Variants in IFNAR1 observed in about 807,000 individuals in gnomAD.
IFNAR1 encodes the protein interferon alpha/beta receptor 1.
A neutral mutation model predicts 62.1 loss-of-function variants in IFNAR1; 47 were observed. That is an observed-to-expected ratio of 0.76 (90% CI 0.60 to 0.97). The LOEUF (loss-of-function observed/expected upper bound fraction) is 0.97. Among genes scored for constraint, IFNAR1 ranks in the 50% least tolerant of loss-of-function variants. The pLI, the probability that IFNAR1 is intolerant of heterozygous loss-of-function variation, is 0.00. For missense variants in IFNAR1, 638 were observed against 654.5 expected, an observed-to-expected ratio of 0.97 and a Z score of 0.27; for synonymous variants, 219 against 226.9, an observed-to-expected ratio of 0.97 and a Z score of 0.31.
intron 1 of IFNAR1, among the ~76,000 whole-genome samples, chr21:33,333,925 T>C (rs2083207481): frequency 6.6e-6 from 1 of 152,122 alleles, no homozygotes; most frequent in Non-Finnish European, 1.5e-5. Context: ...ATATGCTTTC[T>C]ATAAGAAACC....
chr21:33,350,694 T>C (rs1241905885), intron 8 of IFNAR1, among the ~76,000 whole-genome samples: 1 of 152,240 alleles, frequency 6.6e-6, no homozygotes, highest in African/African-American at 2.4e-5. Context: ...TTCTTTAACT[T>C]CACCTCATTT....
rs1384352120 is a variant in IFNAR1, at chr21:33,357,384, A to G, written c.*1835A>G. 6.6e-6 allele frequency: 1 copy of G among 152,202 alleles called. No homozygotes were observed. The highest frequency in any genetic ancestry group is 1.5e-5 in the Non-Finnish European group (1 of 68,078). The allele number at this position is 152,202 out of a possible 1,614,324, so 9.4% of individuals were successfully genotyped here. A position where few individuals can be genotyped will look rare whatever the true frequency, so the allele number is the denominator to read the frequency against. On this transcript the variant is annotated 3_prime_UTR_variant, in exon 11 of 11. Coordinates refer to ENST00000270139, the MANE Select transcript of IFNAR1 (RefSeq NM_000629.3). ...CACGTGTCTGCAGGCCACACCGTGCATGTCCCCAGACCTGCCGCCTGGCTT... is the reference window on the plus strand; with the variant it reads ...CACGTGTCTGCAGGCCACACCGTGCGTGTCCCCAGACCTGCCGCCTGGCTT...
At chr21:33,355,198 T>C in intron 10 of IFNAR1, 118 bp from the exon 11 acceptor site, 2 of 594,986 alleles carry the variant, frequency 3.4e-6, no homozygotes, top group Non-Finnish European at 2.9e-6. Context: ...TTAATATGCA[T>C]GCCAGAAGAT....
chr21:33,328,578 A>G (rs1185681473), intron 1 of IFNAR1, among the ~76,000 whole-genome samples: 1 of 152,230 alleles, frequency 6.6e-6, no homozygotes, highest in Non-Finnish European at 1.5e-5. Context: ...TGATCCTGAA[A>G]GTTATCTCAG....
rs2083376221 is a variant in IFNAR1, at chr21:33,349,120, A to G, written c.818A>G (p.His273Arg). The G allele has an allele frequency of 1.2e-6, 2 of 1,605,892 alleles. No individual in the cohort carries two copies. The highest frequency in any genetic ancestry group is 1.7e-5 in the Admixed American group (1 of 59,052). Residue 273 changes from histidine (H) to arginine (R), a missense_variant, in exon 7 of 11, where the codon CAT becomes CGT. Physicochemically the swap from His to Arg is conservative, Grantham distance 29. Coordinates refer to ENST00000270139, the MANE Select transcript of IFNAR1 (RefSeq NM_000629.3). ...TTTTTAAAAAGGAATCCTGGAAACC[A>G]TTTGTATAAATGGAAACAAATACCT... ...HAFLKRNPGN[H>R]LYKWKQIPDC...
intron 2 of IFNAR1, among the ~76,000 whole-genome samples, chr21:33,336,508 C>T (rs2083237128): frequency 6.6e-6 from 1 of 150,664 alleles, no homozygotes; most frequent in African/African-American, 2.4e-5. Flanking sequence ...CACTGACTTC[C>T]ACAATGGTTG....
intron 1 of IFNAR1, among the ~76,000 whole-genome samples, chr21:33,330,865 C>T (rs900938374): frequency 1.3e-5 from 2 of 152,182 alleles, no homozygotes; most frequent in Admixed American, 1.3e-4. Flanking sequence ...GATCTCACCA[C>T]TGGGGTTCCT....
At chr21:33,344,294 C>CT (rs1194664011) in intron 5 of IFNAR1, among the ~76,000 whole-genome samples, 2 of 152,142 alleles carry the variant, frequency 1.3e-5, no homozygotes, top group African/African-American at 4.8e-5. Flanking sequence ...TGCTAGTAGA[C>CT]AAGTTATTGT....
In IFNAR1 at chr21:33,356,010, TTAAAAAA is replaced by T. The variant is rs2083444010; in HGVS notation, c.*462_*468del. On this transcript the variant is annotated 3_prime_UTR_variant, in exon 11 of 11. Transcript: ENST00000270139. ...CAGCCTGGTGACAGCGTGAGACTCT[TTAAAAAA>T]AGAAATTAAAAGAGTTGAGACAAAC... 6.6e-6 allele frequency: 1 copy of T among 152,158 alleles called. No individual in the cohort carries two copies. Among genetic ancestry groups the T allele is most frequent in the African/African-American group, 2.4e-5 (1 of 41,418 alleles). 9.4% of individuals were successfully genotyped at this position (152,158 alleles called of 1,614,324 possible). A position where few individuals can be genotyped will look rare whatever the true frequency, so the allele number is the denominator to read the frequency against.
Position 33,356,050 on chromosome 21 carries a change from A to G in IFNAR1, c.*501A>G, listed in dbSNP as rs1024862753. Reference sequence around the variant, plus strand: ...AAAAGAGTTGAGACAAACGTTTCCTACATTCTTTTCCATGTGTAAAATCAT... The same window carrying G: ...AAAAGAGTTGAGACAAACGTTTCCTGCATTCTTTTCCATGTGTAAAATCAT... On this transcript the variant is annotated 3_prime_UTR_variant, in exon 11 of 11. Coordinates refer to ENST00000270139, the MANE Select transcript of IFNAR1 (RefSeq NM_000629.3). The G allele has an allele frequency of 6.6e-6, 1 of 152,198 alleles. No individual in the cohort carries two copies. The highest frequency in any genetic ancestry group is 2.4e-5 in the African/African-American group (1 of 41,440). 9.4% of individuals were successfully genotyped at this position (152,198 alleles called of 1,614,324 possible). A position where few individuals can be genotyped will look rare whatever the true frequency, so the allele number is the denominator to read the frequency against.
At chr21:33,351,463 T>G (rs2123267108) in intron 8 of IFNAR1, among the ~76,000 whole-genome samples, 1 of 152,300 alleles carries the variant, frequency 6.6e-6, no homozygotes, top group African/African-American at 2.4e-5. Flanking sequence ...GTCTGTAGAC[T>G]TGTGAGTGAG....
chr21:33,340,899 TAA>T (rs2083285975), intron 2 of IFNAR1, 98 bp from the exon 3 acceptor site: 2 of 734,496 alleles, frequency 2.7e-6, no homozygotes, highest in Non-Finnish European at 4.5e-6. Context: ...CAAGAGTTAT[TAA>T]GAGTTAAGAA....
Position 33,357,174 on chromosome 21 carries a change from C to A in IFNAR1, c.*1625C>A, listed in dbSNP as rs1461746063. 6.6e-6 allele frequency: 1 copy of A among 152,206 alleles called. No individual in the cohort carries two copies. Among genetic ancestry groups the A allele is most frequent in the East Asian group, 1.9e-4 (1 of 5,202 alleles). 9.4% of individuals were successfully genotyped at this position (152,206 alleles called of 1,614,324 possible). ...AGGGCAGTGTTCTCACAGCACCGTT[C>A]CGACAGGGACCAGTGAAAGAAAAGA... On this transcript the variant is annotated 3_prime_UTR_variant, in exon 11 of 11. Coordinates refer to ENST00000270139, the MANE Select transcript of IFNAR1 (RefSeq NM_000629.3).
intron 9 of IFNAR1, 137 bp downstream of exon 9, chr21:33,353,045 A>G: frequency 1.9e-6 from 1 of 540,208 alleles, no homozygotes; most frequent in Non-Finnish European, 3.0e-6. Flanking sequence ...TTCATGAACT[A>G]CATGAATCAA....
chr21:33,343,473 G>A (rs376037565), intron 4 of IFNAR1, 51 bp downstream of exon 4: 24 of 1,562,030 alleles, frequency 1.5e-5, no homozygotes, highest in Non-Finnish European at 1.8e-5. Flanking sequence ...AAAATTAGGC[G>A]AATTAATCCT....
rs2243594 is a variant in IFNAR1 at position 33,335,755 on chromosome 21, A to G, written c.200+108A>G. 0.4 allele frequency: 376,719 copies of G among 940,434 alleles called. 76,964 individuals are homozygous for G. The highest frequency in any genetic ancestry group is 0.44 in the Middle Eastern group (1,564 of 3,522). The allele number at this position is 940,434 out of a possible 1,614,324, so 58.3% of individuals were successfully genotyped here. A position where few individuals can be genotyped will look rare whatever the true frequency, so the allele number is the denominator to read the frequency against. The stretch of plus-strand genomic sequence containing the variant: ...AAAGTGTTTGGTTTTTCTATTTTTT[A>G]GAAATGTTACGCCTATTTTACATAA... On this transcript the variant is annotated intron_variant, in intron 2 of 10. Transcript: ENST00000270139.
At chr21:33,354,547 C>T (rs1020424806) in intron 10 of IFNAR1, among the ~76,000 whole-genome samples, 1 of 150,984 alleles carries the variant, frequency 6.6e-6, no homozygotes, top group Non-Finnish European at 1.5e-5. Flanking sequence ...TAACTAAAAA[C>T]ATGAGACTTT....
At chr21:33,333,367 A>G (rs1336324755) in intron 1 of IFNAR1, among the ~76,000 whole-genome samples, 1 of 152,232 alleles carries the variant, frequency 6.6e-6, no homozygotes, top group Non-Finnish European at 1.5e-5. Context: ...AAAAGAGAGC[A>G]GTCAGTATCT....
Position 33,343,277 on chromosome 21 carries a change from G to T in IFNAR1, c.386G>T (p.Gly129Val). The T allele has an allele frequency of 6.2e-7, 1 of 1,611,632 alleles. No individual in the cohort carries two copies. Residue 129 changes from glycine to valine, a missense_variant, in exon 4 of 11, where the codon GGT becomes GTT. Physicochemically the swap from Gly to Val is moderately radical, Grantham distance 109 (BLOSUM62 -3). Transcript: ENST00000270139. Reference sequence around the variant, plus strand: ...TTTGATTTTTTTGCAGCTCAGATTGGTCCTCCAGAAGTACATTTAGAAGCT... The same window carrying T: ...TTTGATTTTTTTGCAGCTCAGATTGTTCCTCCAGAAGTACATTTAGAAGCT... Reference protein sequence around the residue: ...SFTPFRKAQIGPPEVHLEAED... With the variant: ...SFTPFRKAQIVPPEVHLEAED...
Sources: gnomAD v4.1 joint callset for allele counts (sites outside exome capture counted in the v4.1 genomes callset) on GRCh38, gnomAD v4.1.1 for gene constraint, MANE v1.5 for transcripts, NCBI Gene and HGNC (gene_info 2026-07-23, HGNC 2026-07-21) for gene names.